Variants in SUSD1 observed in about 807,000 individuals in gnomAD.
SUSD1 encodes the protein sushi domain-containing protein 1.
A neutral mutation model predicts 86.9 loss-of-function variants in SUSD1; 65 were observed. The observed-to-expected ratio is 0.75, with a 90% CI of 0.61 to 0.92. SUSD1 has a LOEUF of 0.92. Ranked by LOEUF, SUSD1 falls within the 40% of genes least tolerant of loss-of-function variation. The pLI is 0.00. For synonymous variants in SUSD1, 346 were observed against 350.0 expected, an observed-to-expected ratio of 0.99 and a Z score of 0.13; for missense variants, 850 against 929.7, an observed-to-expected ratio of 0.91 and a Z score of 1.11.
chr9:112,052,167 C>T, intron 15 of SUSD1: 1 of 1,465,186 alleles, frequency 6.8e-7, no homozygotes, highest in Non-Finnish European at 9.0e-7. Context: ...TGTTGAGTCC[C>T]CAGTCCCAGT....
At chr9:112,171,245 C>T (rs1834034091) in intron 1 of SUSD1, among the ~76,000 whole-genome samples, 1 of 152,196 alleles carries the variant, frequency 6.6e-6, no homozygotes, top group Admixed American at 6.5e-5. Context: ...ACCACCACCA[C>T]CCCCAACCCC....
At chr9:112,066,403 A>C (rs1189285470) in intron 12 of SUSD1, among the ~76,000 whole-genome samples, 1 of 152,198 alleles carries the variant, frequency 6.6e-6, no homozygotes, top group Non-Finnish European at 1.5e-5. Flanking sequence ...GCTTGAGTAC[A>C]CAGGAAATGT....
At chr9:112,066,258 G>T (rs1457814461) in intron 12 of SUSD1, among the ~76,000 whole-genome samples, 1 of 152,202 alleles carries the variant, frequency 6.6e-6, no homozygotes, top group Non-Finnish European at 1.5e-5. Flanking sequence ...AAGGAACAGA[G>T]CTTGGGGGTC....
In SUSD1 at chr9:112,142,419, G is replaced by A. The variant is rs1277423095; in HGVS notation, c.607C>T (p.Arg203Cys). The A allele has an allele frequency of 7.4e-6, 12 of 1,613,864 alleles. No homozygotes were observed. The East Asian group carries it at 2.0e-4, about 27-fold the overall frequency. Residue 203 changes from arginine to cysteine, a missense_variant, in exon 5 of 17, where the codon CGT becomes TGT. Transcript: ENST00000374270. ...NYTSSLGSQVRYACREGFFSV... is the reference protein window; with the variant it reads ...NYTSSLGSQVCYACREGFFSV... ...AAGAATCCTTCTCTGCAAGCATAAC[G>A]AACCTGGCTGCCCAGACTAGACGTA... is the stretch of plus-strand genomic sequence containing the variant.
At chr9:112,088,275 G>GGATT (rs1830062167) in intron 10 of SUSD1, among the ~76,000 whole-genome samples, 1 of 152,212 alleles carries the variant, frequency 6.6e-6, no homozygotes, top group South Asian at 2.1e-4. Flanking sequence ...TTGGTGATAA[G>GGATT]CATTTGCTGT....
At chr9:112,155,236 G>A (rs1250071886) in intron 2 of SUSD1, among the ~76,000 whole-genome samples, 1 of 151,552 alleles carries the variant, frequency 6.6e-6, no homozygotes, top group African/African-American at 2.4e-5. Context: ...GGGTGACCGA[G>A]GGAGACGCCA....
At chr9:112,130,481 A>G (rs1470454110) in intron 5 of SUSD1, among the ~76,000 whole-genome samples, 1 of 147,856 alleles carries the variant, frequency 6.8e-6, no homozygotes. Flanking sequence ...AGGAGAGGGA[A>G]AGGAGAGGGA....
Position 112,113,443 on chromosome 9 carries a change from C to G in SUSD1, c.887-575G>C, listed in dbSNP as rs955618157. On this transcript the variant is annotated intron_variant, in intron 6 of 16. Coordinates refer to ENST00000374270, the MANE Select transcript of SUSD1 (RefSeq NM_022486.5). The surrounding 1 kb of genome is among the most constrained non-coding windows in gnomAD (Gnocchi z 4.1). ...TATTTAATCCTGGTCTATCAGGATG[C>G]CACTGATTCCTCTGGGTTGTTCTGC... Among the ~76,000 whole-genome samples, 1 of 152,206 alleles carries G rather than the reference C, an allele frequency of 6.6e-6. No individual in the cohort carries two copies. Among genetic ancestry groups the G allele is most frequent in the African/African-American group, 2.4e-5 (1 of 41,454 alleles).
intron 12 of SUSD1, among the ~76,000 whole-genome samples, chr9:112,070,130 C>T (rs906517512): frequency 1.3e-5 from 2 of 152,086 alleles, no homozygotes; most frequent in Non-Finnish European, 2.9e-5. Flanking sequence ...CACAGCCTCC[C>T]GAGTAGCTGG....
At chr9:112,054,897 C>T (rs1828380712) in intron 14 of SUSD1, among the ~76,000 whole-genome samples, 1 of 152,110 alleles carries the variant, frequency 6.6e-6, no homozygotes, top group African/African-American at 2.4e-5. Context: ...AAGTGCAACC[C>T]ACAGAATGGG....
intron 8 of SUSD1, among the ~76,000 whole-genome samples, chr9:112,105,563 A>G: frequency 6.6e-6 from 1 of 152,128 alleles, no homozygotes; most frequent in East Asian, 1.9e-4. Flanking sequence ...TACTAAAAAT[A>G]CAAAAATTAG....
intron 15 of SUSD1, among the ~76,000 whole-genome samples, chr9:112,050,605 G>A (rs913986707): frequency 5.9e-5 from 9 of 152,164 alleles, no homozygotes; most frequent in Admixed American, 2.0e-4. Flanking sequence ...GCTCTGAGGC[G>A]GGGAGAGGAG....
chr9:112,099,015 TTCTCTCTCTCTCTCTCTC>T (rs58040511), intron 9 of SUSD1, among the ~76,000 whole-genome samples: 129 of 145,988 alleles, frequency 8.8e-4, no homozygotes, highest in Admixed American at 1.4e-3. Flanking sequence ...GAATACTTCG[TTCTCTCTCTCTCTCTCTC>T]TCTCTCTCTC....
intron 15 of SUSD1, among the ~76,000 whole-genome samples, chr9:112,043,511 C>T (rs1166039000): frequency 6.6e-6 from 1 of 152,160 alleles, no homozygotes; most frequent in Admixed American, 6.5e-5. Context: ...AAACCCCATC[C>T]CTGAATTTTC....
rs1830489346 is a variant in SUSD1 at position 112,098,465 on chromosome 9, C to T, written c.1474+5G>A. On this transcript the variant is annotated splice_donor_5th_base_variant and intron_variant, in intron 10 of 16. Transcript: ENST00000374270. ...GGCACAAAAAAGAAAGACGTCTACA[C>T]CCACCTGCTGGGGGAGTTGCTATTG... The T allele has an allele frequency of 6.2e-7, 1 of 1,613,744 alleles. No individual in the cohort carries two copies. Among genetic ancestry groups the T allele is most frequent in the East Asian group, 2.2e-5 (1 of 44,876 alleles).
intron 1 of SUSD1, among the ~76,000 whole-genome samples, chr9:112,171,743 T>C (rs1290417901): frequency 6.6e-6 from 1 of 152,122 alleles, no homozygotes; most frequent in African/African-American, 2.4e-5. Flanking sequence ...ATTAACTATC[T>C]CATTTATTTT....
intron 8 of SUSD1, among the ~76,000 whole-genome samples, chr9:112,111,311 T>A (rs1831086988): frequency 1.3e-5 from 2 of 152,192 alleles, no homozygotes; most frequent in South Asian, 4.1e-4. Flanking sequence ...ACTTTTGAGT[T>A]TACTACCAAA....
intron 3 of SUSD1, among the ~76,000 whole-genome samples, chr9:112,148,898 C>G (rs1210740709): frequency 1.4e-5 from 2 of 138,422 alleles, no homozygotes; most frequent in African/African-American, 5.1e-5. Context: ...AGAGTGAGAC[C>G]CCCCCCTTAA....
intron 12 of SUSD1, among the ~76,000 whole-genome samples, chr9:112,068,829 A>G (rs540972461): frequency 6.6e-6 from 1 of 152,346 alleles, no homozygotes; most frequent in African/African-American, 2.4e-5. Context: ...GAAGTGCTCG[A>G]GGTCTGCTGC....
Sources: allele counts gnomAD v4.1 joint callset (sites outside exome capture counted in the v4.1 genomes callset), GRCh38; gene constraint gnomAD v4.1.1; non-coding constraint Gnocchi (gnomAD v3.1); transcripts MANE v1.5; gene names NCBI Gene and HGNC (gene_info 2026-07-23, HGNC 2026-07-21).